SVOPL: variants seen among roughly 807,000 people sequenced by gnomAD.
The protein encoded by SVOPL is SVOP like.
SVOPL carries 60 observed loss-of-function variants against 61.0 expected under a neutral mutation model. The ratio of observed to expected loss-of-function variants is 0.98; its 90% CI spans 0.80 to 1.22. SVOPL has a LOEUF of 1.22. SVOPL is among the 50% of genes most tolerant of loss of function. The pLI, the probability that SVOPL is intolerant of heterozygous loss-of-function variation, is 0.00. For missense variants in SVOPL, 662 were observed against 643.9 expected, an observed-to-expected ratio of 1.03 and a Z score of -0.30; for synonymous variants, 279 against 250.0, an observed-to-expected ratio of 1.12 and a Z score of -1.09.
chr7:138,686,319 C>T (rs1290557825), intron 1 of SVOPL, among the ~76,000 whole-genome samples: 1 of 148,224 alleles, frequency 6.7e-6, no homozygotes, highest in East Asian at 2.1e-4. Flanking sequence ...AGGAGAATCG[C>T]TTGAACCCCG....
At chr7:138,688,533 G>A (rs184204063) in intron 1 of SVOPL, among the ~76,000 whole-genome samples, 262 of 152,306 alleles carry the variant, frequency 1.7e-3, no homozygotes, top group Non-Finnish European at 3.0e-3. Context: ...GCCTCCCAAA[G>A]TGCTGGGATT....
intron 5 of SVOPL, chr7:138,662,048 G>A: frequency 1.0e-6 from 1 of 985,428 alleles, no homozygotes; most frequent in Non-Finnish European, 1.2e-6. Flanking sequence ...TCTGAATCTG[G>A]CCCTCCTTTC....
At chr7:138,700,402 G>A (rs1275402601) in intron 1 of SVOPL, among the ~76,000 whole-genome samples, 1 of 144,134 alleles carries the variant, frequency 6.9e-6, no homozygotes, top group Non-Finnish European at 1.5e-5. Flanking sequence ...GCCGTGGTGT[G>A]ATCTTGGCTC....
At chr7:138,640,054 G>A (rs186064367) in intron 9 of SVOPL, among the ~76,000 whole-genome samples, 9 of 150,880 alleles carry the variant, frequency 6.0e-5, no homozygotes, top group African/African-American at 2.2e-4. Context: ...TCTCACACCC[G>A]GACTCAAGAA....
At chr7:138,642,831 C>CAAAAAAAAAAAAAAAAAAAAAAAAAAAA (rs749603417) in intron 9 of SVOPL, among the ~76,000 whole-genome samples, 4 of 26,912 alleles carry the variant, frequency 1.5e-4, no homozygotes, top group East Asian at 1.5e-3. Context: ...CTCCTACCTC[C>CAAAAAAAAAAAAAAAAAAAAAAAAAAAA]AAAAAAAAAA....
chr7:138,660,642 A>G, intron 5 of SVOPL: 2 of 985,454 alleles, frequency 2.0e-6, no homozygotes, highest in East Asian at 1.1e-4. Context: ...AGCTGCGATG[A>G]TATCTGTACA....
At chr7:138,648,103 T>C (rs1801212256) in intron 8 of SVOPL, among the ~76,000 whole-genome samples, 1 of 152,104 alleles carries the variant, frequency 6.6e-6, no homozygotes, top group Non-Finnish European at 1.5e-5. Context: ...GATTCTACAG[T>C]TGAACAACCT....
chr7:138,615,482 G>A (rs1799251112), intron 14 of SVOPL, among the ~76,000 whole-genome samples: 1 of 149,752 alleles, frequency 6.7e-6, no homozygotes. Context: ...GCGTGAATCA[G>A]GAGGCAGAGC....
In SVOPL at chr7:138,611,707, A is replaced by T. The variant is rs1308421898; in HGVS notation, c.1353+9339T>A. 2.2e-4 allele frequency among the ~76,000 whole-genome samples: 16 copies of T among 72,662 alleles called. 2 individuals carry two copies. The highest frequency in any genetic ancestry group is 1.9e-3 in the South Asian group (2 of 1,074). 47.7% of individuals were successfully genotyped at this position (72,662 alleles called of 152,430 possible). On this transcript the variant is annotated intron_variant, in intron 14 of 15. Coordinates refer to ENST00000674285, the MANE Select transcript of SVOPL (RefSeq NM_001139456.2). Reference sequence around the variant, plus strand: ...TTTTTTGTGACCCTTGAAAGATAAGACTTTGGTTAAAAGATTGAAAATTAA... The same window carrying T: ...TTTTTTGTGACCCTTGAAAGATAAGTCTTTGGTTAAAAGATTGAAAATTAA...
chr7:138,659,945 A>C lies in SVOPL; in HGVS notation c.389T>G (p.Leu130Arg), dbSNP rs1335232597. The change falls in exon 6 of 16, where the codon CTG (leucine) becomes CGG (arginine). Residue 130 changes from leucine to arginine, a missense_variant. Transcript: ENST00000674285. Reference protein sequence around the residue: ...SFLWGAYFSLLTSFAPSYIWF... With the variant: ...SFLWGAYFSLRTSFAPSYIWF... Reference sequence around the variant, plus strand: ...GATGTACGAAGGAGCAAACGAGGTCAGCAAGGAGAAATAGGCTCCCCACAG... The same window carrying C: ...GATGTACGAAGGAGCAAACGAGGTCCGCAAGGAGAAATAGGCTCCCCACAG... 1 of 1,551,506 alleles carries C rather than the reference A, an allele frequency of 6.4e-7. No individual in the cohort carries two copies. The highest frequency in any genetic ancestry group is 8.7e-7 in the Non-Finnish European group (1 of 1,146,994).
rs114921806 is a variant in SVOPL at position 138,645,795 on chromosome 7, C to T, written c.661-950G>A. On this transcript the variant is annotated intron_variant, in intron 8 of 15. Coordinates refer to ENST00000674285, the MANE Select transcript of SVOPL (RefSeq NM_001139456.2). Reference sequence around the variant, plus strand: ...AGCCGAACCCAGGTATACTTCCCTTCGGCTTCCTTGTTTTTTTGTTTCGTT... The same window carrying T: ...AGCCGAACCCAGGTATACTTCCCTTTGGCTTCCTTGTTTTTTTGTTTCGTT... The T allele has an allele frequency of 3.9e-3, 631 of 160,428 alleles. 1 individual carries two copies. Among genetic ancestry groups the T allele is most frequent in the African/African-American group, 0.014 (601 of 41,644 alleles). The allele number at this position is 160,428 out of a possible 1,614,324, so 9.9% of individuals were successfully genotyped here.
At chr7:138,693,276 C>T (rs542457071) in intron 1 of SVOPL, among the ~76,000 whole-genome samples, 8 of 152,070 alleles carry the variant, frequency 5.3e-5, no homozygotes, top group East Asian at 3.9e-4. Flanking sequence ...GAGGCCAAGG[C>T]GGAAGGATTG....
intron 1 of SVOPL, among the ~76,000 whole-genome samples, chr7:138,700,221 G>C (rs1047032545): frequency 6.6e-6 from 1 of 151,530 alleles, no homozygotes; most frequent in South Asian, 2.1e-4. Flanking sequence ...AGAACAACAT[G>C]TTTGAGAGAT....
chr7:138,649,340 C>T (rs1428867606), intron 7 of SVOPL, among the ~76,000 whole-genome samples: 1 of 152,330 alleles, frequency 6.6e-6, no homozygotes, highest in East Asian at 1.9e-4. Context: ...CTCACCCAGG[C>T]TGGAGTGCAG....
intron 14 of SVOPL, among the ~76,000 whole-genome samples, chr7:138,603,961 T>C: frequency 6.9e-6 from 1 of 145,438 alleles, no homozygotes; most frequent in East Asian, 2.0e-4. Flanking sequence ...TATTCTTTTT[T>C]TTTTTTTTTT....
intron 3 of SVOPL, among the ~76,000 whole-genome samples, chr7:138,675,943 A>G (rs1563134745): frequency 6.6e-6 from 1 of 152,152 alleles, no homozygotes; most frequent in African/African-American, 2.4e-5. Context: ...GGTTCAAGTT[A>G]TTCTCCTGCC....
intron 14 of SVOPL, chr7:138,596,959 G>GT (rs931531570): frequency 8.8e-5 from 98 of 1,119,598 alleles, no homozygotes; most frequent in South Asian, 2.0e-4. Flanking sequence ...ACAGGTGAAA[G>GT]TTTTTTTTGG....
Position 138,672,043 on chromosome 7 carries a change from A to G in SVOPL, c.249T>C (p.Asn83=), listed in dbSNP as rs1419663111. 5.2e-6 allele frequency: 8 copies of G among 1,551,556 alleles called. No homozygotes were observed. In the African/African-American group the frequency reaches 5.5e-5, roughly 11 times the overall value. The part of the protein sequence containing the change: ...PVIRCEWQLE[N]WQVALVTTMV... ...CCGTGGTTACTAATGCCACCTGCCA[A>G]TTCTCCAGTTGCCATTCACAGCGGA... The change falls in exon 4 of 16, where the codon AAT becomes AAC. Residue 83 remains asparagine, a synonymous_variant. Coordinates refer to ENST00000674285, the MANE Select transcript of SVOPL (RefSeq NM_001139456.2).
chr7:138,594,669 TTGTCC>T, intron 15 of SVOPL, 48 bp from the exon 16 acceptor site: 1 of 1,432,984 alleles, frequency 7.0e-7, no homozygotes, highest in Non-Finnish European at 9.5e-7. Context: ...TTTAAAAGTC[TTGTCC>T]ATTCATACTG....
Sources: gnomAD v4.1 joint callset for allele counts (sites outside exome capture counted in the v4.1 genomes callset) on GRCh38, gnomAD v4.1.1 for gene constraint, MANE v1.5 for transcripts, NCBI Gene and HGNC (gene_info 2026-07-23, HGNC 2026-07-21) for gene names.